PRKAG2: variants seen among roughly 807,000 people sequenced by gnomAD.
PRKAG2 encodes protein kinase AMP-activated non-catalytic subunit gamma 2.
Under a neutral mutation model 69.6 loss-of-function variants are expected in PRKAG2, and 26 were observed. The ratio of observed to expected loss-of-function variants is 0.37; its 90% CI spans 0.27 to 0.52. PRKAG2 has a LOEUF of 0.52. Ranked by LOEUF, PRKAG2 falls within the 20% of genes least tolerant of loss-of-function variation. The pLI is 0.90. For synonymous variants in PRKAG2, 293 were observed against 285.0 expected, an observed-to-expected ratio of 1.03 and a Z score of -0.28; for missense variants, 557 against 740.0, an observed-to-expected ratio of 0.75 and a Z score of 2.87.
intron 3 of PRKAG2, among the ~76,000 whole-genome samples, chr7:151,685,475 A>C (rs1391419468): frequency 3.9e-5 from 6 of 152,206 alleles, no homozygotes; most frequent in Non-Finnish European, 7.3e-5. Flanking sequence ...TCTCAGTTTT[A>C]ATTTCTAATA....
At chr7:151,800,502 C>T (rs2077783986) in intron 1 of PRKAG2, among the ~76,000 whole-genome samples, 1 of 152,216 alleles carries the variant, frequency 6.6e-6, no homozygotes, top group African/African-American at 2.4e-5. Context: ...CACCTCCCAG[C>T]ACCGCAATGA....
chr7:151,725,317 C>T (rs1440101190), intron 3 of PRKAG2, among the ~76,000 whole-genome samples: 6 of 151,982 alleles, frequency 3.9e-5, no homozygotes, highest in South Asian at 4.2e-4. Context: ...ATTCCGCTGA[C>T]GAGAGGTCCC....
chr7:151,866,175 G>C (rs960061116), intron 1 of PRKAG2, among the ~76,000 whole-genome samples: 9 of 152,174 alleles, frequency 5.9e-5, no homozygotes, highest in African/African-American at 2.2e-4. Flanking sequence ...AAACCGAAGG[G>C]AGGCAGCAGA....
chr7:151,781,569 C>T lies in PRKAG2; in HGVS notation c.187-138G>A. The T allele has an allele frequency of 1.8e-6, 2 of 1,126,156 alleles. No homozygotes were observed. Among genetic ancestry groups the T allele is most frequent in the Non-Finnish European group, 1.3e-6 (1 of 787,388 alleles). The allele number at this position is 1,126,156 out of a possible 1,614,324, so 69.8% of individuals were successfully genotyped here. A position where few individuals can be genotyped will look rare whatever the true frequency, so the allele number is the denominator to read the frequency against. ...CCTCCCAGAGAAACAGCCCTAAGCT[C>T]TTCCACAGAGGTAGCCACTGAATGG... On this transcript the variant is annotated intron_variant, in intron 2 of 15. Transcript: ENST00000287878. This position sits in a 1 kb window ranked among gnomAD's most constrained non-coding sequence, Gnocchi z 6.1.
chr7:151,812,674 G>A (rs1389499460), intron 1 of PRKAG2, among the ~76,000 whole-genome samples: 2 of 152,144 alleles, frequency 1.3e-5, no homozygotes. Flanking sequence ...CAAACACGAA[G>A]ACCAGGCTTA....
At chr7:151,690,070 G>T (rs1022204349) in intron 3 of PRKAG2, among the ~76,000 whole-genome samples, 1 of 152,182 alleles carries the variant, frequency 6.6e-6, no homozygotes, top group East Asian at 1.9e-4. Context: ...TTTCAAAGAC[G>T]ATCTGGAATC....
chr7:151,853,911 C>G (rs1334710602), intron 1 of PRKAG2, among the ~76,000 whole-genome samples: 1 of 152,086 alleles, frequency 6.6e-6, no homozygotes, highest in Non-Finnish European at 1.5e-5. Flanking sequence ...AACCGAGGCT[C>G]CTCCTATGAA....
intron 5 of PRKAG2, among the ~76,000 whole-genome samples, chr7:151,604,499 G>A (rs920662507): frequency 6.6e-6 from 1 of 152,064 alleles, no homozygotes; most frequent in Non-Finnish European, 1.5e-5. Flanking sequence ...TTAGCCAGGT[G>A]TGGTGGTGCA....
At chr7:151,685,302 C>T (rs891229419) in intron 3 of PRKAG2, among the ~76,000 whole-genome samples, 4 of 152,170 alleles carry the variant, frequency 2.6e-5, no homozygotes, top group Non-Finnish European at 4.4e-5. Context: ...TCCTCAGGGC[C>T]ACCCCACCAA....
intron 2 of PRKAG2, among the ~76,000 whole-genome samples, chr7:151,783,638 A>C (rs1354405009): frequency 6.6e-6 from 1 of 152,116 alleles, no homozygotes; most frequent in Non-Finnish European, 1.5e-5. Context: ...GAGAGTCTTC[A>C]GGCAGGGGGT....
At chr7:151,839,959 A>G (rs1167699916) in intron 1 of PRKAG2, among the ~76,000 whole-genome samples, 1 of 152,174 alleles carries the variant, frequency 6.6e-6, no homozygotes, top group Non-Finnish European at 1.5e-5. Flanking sequence ...TTCTTGGACA[A>G]TTGGGGGCAG....
chr7:151,592,820 C>G (rs1813555147), intron 6 of PRKAG2, among the ~76,000 whole-genome samples: 1 of 152,172 alleles, frequency 6.6e-6, no homozygotes, highest in African/African-American at 2.4e-5. Context: ...GCTTTCTTAG[C>G]TCTTGAGGGT....
chr7:151,688,049 C>CCCCCCA lies in PRKAG2; in HGVS notation c.467-12413_467-12412insTGGGGG, dbSNP rs976066654. Among the ~76,000 whole-genome samples, 4 of 144,402 alleles carry CCCCCCA rather than the reference C, an allele frequency of 2.8e-5. 1 individual carries two copies. Among genetic ancestry groups the CCCCCCA allele is most frequent in the Admixed American group, 6.8e-5 (1 of 14,734 alleles). The allele number at this position is 144,402 out of a possible 152,430, so 94.7% of individuals were successfully genotyped here. A position where few individuals can be genotyped will look rare whatever the true frequency, so the allele number is the denominator to read the frequency against. On this transcript the variant is annotated intron_variant, in intron 3 of 15. Transcript: ENST00000287878. ...GGAGGAGGAGGAAATGAGGCCCCCC[C>CCCCCCA]CCGGGCTCCTTGCTGAGTCAGCATG...
chr7:151,833,041 T>A (rs2079073251), intron 1 of PRKAG2, among the ~76,000 whole-genome samples: 1 of 152,090 alleles, frequency 6.6e-6, no homozygotes, highest in South Asian at 2.1e-4. Context: ...CCTGGAAGAT[T>A]CAGGAACAGA....
intron 1 of PRKAG2, among the ~76,000 whole-genome samples, chr7:151,827,763 A>AAAAAC (rs2072240708): frequency 2.7e-5 from 4 of 148,628 alleles, no homozygotes; most frequent in African/African-American, 9.8e-5. Flanking sequence ...AAAAAAAAAA[A>AAAAAC]AAAAAAAAAA....
chr7:151,737,090 A>G (rs556226512), intron 3 of PRKAG2, among the ~76,000 whole-genome samples: 1 of 152,364 alleles, frequency 6.6e-6, no homozygotes, highest in South Asian at 2.1e-4. Flanking sequence ...TTTTTGTCTG[A>G]TAGCCTCACT....
At chr7:151,647,063 C>T (rs74396494) in intron 4 of PRKAG2, among the ~76,000 whole-genome samples, 3,304 of 152,332 alleles carry the variant, frequency 0.022, 126 homozygotes, top group East Asian at 0.2. Context: ...AGAGCCAGAC[C>T]GCACATGCAT....
intron 3 of PRKAG2, among the ~76,000 whole-genome samples, chr7:151,740,129 T>G (rs931439607): frequency 1.3e-5 from 2 of 152,186 alleles, no homozygotes; most frequent in African/African-American, 4.8e-5. Flanking sequence ...TCCCTCCAGC[T>G]GCCCCTGCTC....
At chr7:151,576,980 ACTT>A (rs1485069141) in intron 6 of PRKAG2, among the ~76,000 whole-genome samples, 2 of 100,672 alleles carry the variant, frequency 2.0e-5, no homozygotes, top group African/African-American at 4.1e-5. Flanking sequence ...AATGCAATTA[ACTT>A]CTTTTTTTTT....
Sources: allele counts gnomAD v4.1 joint callset (sites outside exome capture counted in the v4.1 genomes callset), GRCh38; gene constraint gnomAD v4.1.1; non-coding constraint Gnocchi (gnomAD v3.1); transcripts MANE v1.5; gene names NCBI Gene and HGNC (gene_info 2026-07-23, HGNC 2026-07-21).